Variants in APP observed in about 807,000 individuals in gnomAD.
APP encodes amyloid beta precursor protein.
APP carries 31 observed loss-of-function variants against 101.4 expected under a neutral mutation model. The ratio of observed to expected loss-of-function variants is 0.31; its 90% CI spans 0.23 to 0.41. The LOEUF is 0.41. Among genes scored for constraint, APP ranks in the 10% least tolerant of loss-of-function variants. The pLI, the probability that APP is intolerant of heterozygous loss-of-function variation, is 1.00. For synonymous variants in APP, 366 were observed against 364.4 expected, an observed-to-expected ratio of 1.00 and a Z score of -0.05; for missense variants, 839 against 1,003.7, an observed-to-expected ratio of 0.84 and a Z score of 2.22.
intron 11 of APP, among the ~76,000 whole-genome samples, chr21:25,968,505 T>C (rs1003352309): frequency 3.9e-5 from 6 of 152,092 alleles, no homozygotes; most frequent in Non-Finnish European, 8.8e-5. Context: ...TGTATGACTC[T>C]AAATATGAGT....
intron 1 of APP, among the ~76,000 whole-genome samples, chr21:26,126,207 C>T (rs1305472581): frequency 6.6e-6 from 1 of 152,222 alleles, no homozygotes; most frequent in Non-Finnish European, 1.5e-5. Flanking sequence ...CACATAGATT[C>T]TGGCTTCTGA....
At chr21:26,085,286 CTTA>C (rs2061681829) in intron 3 of APP, among the ~76,000 whole-genome samples, 1 of 152,078 alleles carries the variant, frequency 6.6e-6, no homozygotes, top group African/African-American at 2.4e-5. Flanking sequence ...CTGGTCATTC[CTTA>C]TGAGACCATG....
intron 2 of APP, among the ~76,000 whole-genome samples, chr21:26,106,901 A>G (rs886980950): frequency 7.2e-5 from 11 of 152,148 alleles, no homozygotes; most frequent in Non-Finnish European, 1.6e-4. Context: ...ATGCTATTCC[A>G]CAGGGTCAAC....
At chr21:26,141,141 A>G (rs929713906) in intron 1 of APP, among the ~76,000 whole-genome samples, 3 of 152,252 alleles carry the variant, frequency 2.0e-5, no homozygotes, top group Admixed American at 2.0e-4. Flanking sequence ...AAATAGAGGA[A>G]GGCTAATAAT....
At chr21:25,967,128 A>G (rs1311955596) in intron 11 of APP, among the ~76,000 whole-genome samples, 3 of 152,256 alleles carry the variant, frequency 2.0e-5, no homozygotes, top group Non-Finnish European at 2.9e-5. Context: ...AGATCTCAGC[A>G]AAATTTAACA....
chr21:26,157,737 C>G (rs1569044259), intron 1 of APP, among the ~76,000 whole-genome samples: 1 of 152,132 alleles, frequency 6.6e-6, no homozygotes, highest in Non-Finnish European at 1.5e-5. Context: ...AAATGGCAGT[C>G]CCATTCTTAC....
rs749737592 is a variant in APP at position 26,112,052 on chromosome 21, T to C, written c.152A>G (p.Lys51Arg). The C allele has an allele frequency of 6.2e-7, 1 of 1,614,162 alleles. No individual in the cohort carries two copies. Among genetic ancestry groups the C allele is most frequent in the Non-Finnish European group, 8.5e-7 (1 of 1,180,000 alleles). ...GGTCCCTGATGGATCTGAATCCCAC[T>C]TCCCATTCTGGACATTCATGTGCAT... ...LNMHMNVQNG[K>R]WDSDPSGTKT... The change falls in exon 2 of 18, where the codon AAG becomes AGG. Residue 51 changes from lysine to arginine, a missense_variant. Transcript: ENST00000346798.
At chr21:26,096,806 C>CA (rs927360778) in intron 2 of APP, among the ~76,000 whole-genome samples, 20 of 152,006 alleles carry the variant, frequency 1.3e-4, no homozygotes, top group African/African-American at 2.2e-4. Flanking sequence ...CAGAACGTAA[C>CA]AAAAAAACAA....
At chr21:25,950,375 T>C (rs549922258) in intron 13 of APP, among the ~76,000 whole-genome samples, 1 of 148,236 alleles carries the variant, frequency 6.7e-6, no homozygotes, top group South Asian at 2.1e-4. Flanking sequence ...GCAGCTTTTT[T>C]TTTTTCTTTT....
chr21:25,997,077 T>A, intron 8 of APP: 1 of 464,542 alleles, frequency 2.2e-6, no homozygotes, highest in East Asian at 4.1e-5. Flanking sequence ...GCAAATACAA[T>A]ACAATGATGT....
chr21:26,132,040 G>A (rs1394329864), intron 1 of APP, among the ~76,000 whole-genome samples: 1 of 151,680 alleles, frequency 6.6e-6, no homozygotes. Flanking sequence ...TAGATAAAAG[G>A]TTAATTTTGT....
At chr21:26,097,619 T>C (rs575100763) in intron 2 of APP, among the ~76,000 whole-genome samples, 41 of 152,244 alleles carry the variant, frequency 2.7e-4, no homozygotes, top group African/African-American at 9.6e-4. Flanking sequence ...TTACTGTAAA[T>C]AAGCACTCAG....
intron 6 of APP, 60 bp from the exon 7 acceptor site, chr21:26,000,242 A>G (rs2146679175): frequency 6.3e-7 from 1 of 1,598,304 alleles, no homozygotes; most frequent in Non-Finnish European, 8.6e-7. Flanking sequence ...CTCTCTGTTC[A>G]TGTATACACG....
At chr21:26,005,911 C>T (rs1463779428) in intron 6 of APP, among the ~76,000 whole-genome samples, 1 of 151,902 alleles carries the variant, frequency 6.6e-6, no homozygotes, top group Admixed American at 6.6e-5. Context: ...AAATTAAAAC[C>T]GTATCTTCAA....
intron 17 of APP, among the ~76,000 whole-genome samples, chr21:25,886,421 T>C (rs536701991): frequency 6.6e-6 from 1 of 151,992 alleles, no homozygotes; most frequent in African/African-American, 2.4e-5. Context: ...TTTAAGACAG[T>C]CTTGCTCTGT....
At chr21:26,009,008 C>A (rs866652248) in intron 6 of APP, among the ~76,000 whole-genome samples, 3 of 152,182 alleles carry the variant, frequency 2.0e-5, no homozygotes, top group African/African-American at 4.8e-5. Context: ...TCAGGCCCCC[C>A]ATACAGACTC....
At chr21:25,971,099 G>A (rs128646) in intron 11 of APP, among the ~76,000 whole-genome samples, 13,699 of 151,710 alleles carry the variant, frequency 0.09, 976 homozygotes, top group African/African-American at 0.19. Context: ...CCACACTGGA[G>A]TGCAGTGGCA....
At chr21:25,905,492 CA>C in intron 14 of APP, among the ~76,000 whole-genome samples, 1 of 152,326 alleles carries the variant, frequency 6.6e-6, no homozygotes, top group African/African-American at 2.4e-5. Context: ...TCTTATTTTA[CA>C]GTTAATTAAC....
rs200283638 is a variant in APP at position 26,051,003 on chromosome 21, C to G, written c.659G>C (p.Gly220Ala). The change falls in exon 5 of 18, where the codon GGG (glycine) becomes GCG (alanine). Residue 220 changes from glycine (G) to alanine (A), a missense_variant. By Grantham distance (60) the Gly-to-Ala change is moderately conservative. Coordinates refer to ENST00000346798, the MANE Select transcript of APP (RefSeq NM_000484.4). ...WGGADTDYAD[G>A]SEDKVVEVAE... is the part of the protein sequence containing the mutation. ...CTGAACACAAAGGCCACCTTACCTC[C>G]CATCTGCATAGTCTGTGTCTGCTCC... 1.9e-6 allele frequency: 3 copies of G among 1,614,048 alleles called. No homozygotes were observed. In the African/African-American group the frequency reaches 4.0e-5, roughly 22 times the overall value.
Sources: gnomAD v4.1 joint callset for allele counts (sites outside exome capture counted in the v4.1 genomes callset) on GRCh38, gnomAD v4.1.1 for gene constraint, MANE v1.5 for transcripts, NCBI Gene and HGNC (gene_info 2026-07-23, HGNC 2026-07-21) for gene names.